The following CCDC171 variants were observed in gnomAD, a reference collection of about 807,000 sequenced individuals.
CCDC171 encodes the protein coiled-coil domain-containing protein 171.
CCDC171 carries 177 observed loss-of-function variants against 168.2 expected under a neutral mutation model. That is an observed-to-expected ratio of 1.05 (90% confidence interval 0.93 to 1.19). The LOEUF is 1.19. Among genes scored for constraint, CCDC171 ranks in the 50% most tolerant of loss-of-function variants. The probability of loss-of-function intolerance (pLI) is 0.00; values close to 1 mark genes in which losing one functional copy is unlikely to be tolerated. For synonymous variants in CCDC171, 687 were observed against 540.8 expected, an observed-to-expected ratio of 1.27 and a Z score of -3.75; for missense variants, 1,991 against 1,539.0, an observed-to-expected ratio of 1.29 and a Z score of -4.91.
chr9:16,097,925 G>T, the CCDC171 span, among the ~76,000 whole-genome samples: 2 of 152,190 alleles, frequency 1.3e-5, no homozygotes, highest in Non-Finnish European at 2.9e-5. Context: ...GCCCTAGGTG[G>T]TGATCAACTT....
At chr9:16,068,235 G>A in the CCDC171 span, among the ~76,000 whole-genome samples, 1 of 150,954 alleles carries the variant, frequency 6.6e-6, no homozygotes, top group Non-Finnish European at 1.5e-5. Context: ...AAATACCTAG[G>A]AATCCAACTT....
chr9:16,008,300 C>T (rs1160320767), intron 3 of CCDC171, among the ~76,000 whole-genome samples: 1 of 152,068 alleles, frequency 6.6e-6, no homozygotes, highest in Non-Finnish European at 1.5e-5. Flanking sequence ...ATGTGGTTAT[C>T]CTGGTATCCC....
intron 25 of CCDC171, among the ~76,000 whole-genome samples, chr9:15,941,078 G>C (rs1827669664): frequency 6.6e-6 from 1 of 151,824 alleles, no homozygotes; most frequent in South Asian, 2.1e-4. Flanking sequence ...CCACTTAAAG[G>C]TGTCCCTCTC....
intron 3 of CCDC171, among the ~76,000 whole-genome samples, chr9:15,981,875 G>A (rs12001038): frequency 0.076 from 11,583 of 152,114 alleles, 1,443 homozygotes; most frequent in African/African-American, 0.26. Context: ...TCTCCTCCCA[G>A]CCAGAAGGAA....
chr9:15,932,469 A>G (rs942653328), intron 25 of CCDC171, among the ~76,000 whole-genome samples: 1 of 151,846 alleles, frequency 6.6e-6, no homozygotes, highest in Non-Finnish European at 1.5e-5. Context: ...ATATCCTGCA[A>G]CTTTACTGAA....
At chr9:15,666,400 A>G (rs550457577) in intron 9 of CCDC171, 77 bp downstream of exon 9, 5 of 1,029,274 alleles carry the variant, frequency 4.9e-6, no homozygotes, top group African/African-American at 1.6e-5. Flanking sequence ...AATGTATACT[A>G]TGTATTTTAG....
intron 3 of CCDC171, among the ~76,000 whole-genome samples, chr9:16,009,268 A>T (rs3008726): frequency 3.3e-5 from 5 of 151,784 alleles, no homozygotes; most frequent in Admixed American, 1.3e-4. Flanking sequence ...CTAGCTAAAA[A>T]GGAAACTTCT....
chr9:15,843,455 A>AT (rs946183187), intron 21 of CCDC171, among the ~76,000 whole-genome samples: 6 of 151,416 alleles, frequency 4.0e-5, no homozygotes, highest in Non-Finnish European at 8.8e-5. Flanking sequence ...CAGGCTTTGA[A>AT]TTTTTTTTTC....
At chr9:15,948,118 T>C (rs1488920378) in intron 25 of CCDC171, among the ~76,000 whole-genome samples, 1 of 151,718 alleles carries the variant, frequency 6.6e-6, no homozygotes, top group Non-Finnish European at 1.5e-5. Flanking sequence ...GAATGATGAT[T>C]TCTAATTTCA....
chr9:15,815,227 G>T (rs1029465192), intron 21 of CCDC171, among the ~76,000 whole-genome samples: 1 of 151,980 alleles, frequency 6.6e-6, no homozygotes, highest in Non-Finnish European at 1.5e-5. Context: ...CTTCCTAGCC[G>T]CCCGTATCAT....
At chr9:15,732,486 G>A (rs775228133) in intron 16 of CCDC171, among the ~76,000 whole-genome samples, 3 of 152,080 alleles carry the variant, frequency 2.0e-5, no homozygotes, top group Non-Finnish European at 4.4e-5. Context: ...AGAAACCACA[G>A]ACTTGTCCAT....
chr9:15,907,504 A>C (rs1386233444), intron 24 of CCDC171, among the ~76,000 whole-genome samples: 1 of 152,226 alleles, frequency 6.6e-6, no homozygotes, highest in African/African-American at 2.4e-5. Context: ...TACAAAAATT[A>C]ATTCAAGATG....
At chr9:15,968,330 G>A (rs1353382076) in intron 25 of CCDC171, among the ~76,000 whole-genome samples, 1 of 152,128 alleles carries the variant, frequency 6.6e-6, no homozygotes, top group Non-Finnish European at 1.5e-5. Flanking sequence ...TAAAATATAA[G>A]ATTGGGTGGT....
intron 23 of CCDC171, among the ~76,000 whole-genome samples, chr9:15,869,273 A>G (rs554192592): frequency 3.9e-5 from 6 of 152,090 alleles, no homozygotes; most frequent in African/African-American, 1.4e-4. Flanking sequence ...TAGATAGTTA[A>G]AGAAAAGGTT....
intron 7 of CCDC171, among the ~76,000 whole-genome samples, chr9:15,654,146 G>C (rs139213085): frequency 1.6e-3 from 240 of 151,538 alleles, no homozygotes; most frequent in Non-Finnish European, 2.8e-3. Context: ...TTTATCCTTT[G>C]GATTTAAATT....
the CCDC171 span, among the ~76,000 whole-genome samples, chr9:16,072,691 C>T: frequency 4.6e-5 from 7 of 152,068 alleles, no homozygotes; most frequent in South Asian, 2.1e-4. Flanking sequence ...ACTGGAGCGC[C>T]GCCAAAGCAC....
intron 3 of CCDC171, among the ~76,000 whole-genome samples, chr9:15,993,864 A>G (rs1202506908): frequency 6.6e-6 from 1 of 152,230 alleles, no homozygotes; most frequent in Non-Finnish European, 1.5e-5. Flanking sequence ...CATCAGAGAA[A>G]TGCAAATCGA....
intron 11 of CCDC171, among the ~76,000 whole-genome samples, chr9:15,703,373 C>T (rs1453241598): frequency 2.6e-5 from 4 of 152,310 alleles, no homozygotes; most frequent in South Asian, 2.1e-4. Flanking sequence ...TCTAGAAAGG[C>T]GAATCCTTGT....
intron 23 of CCDC171, among the ~76,000 whole-genome samples, chr9:15,869,672 G>T (rs1486222839): frequency 6.6e-6 from 1 of 151,762 alleles, no homozygotes; most frequent in African/African-American, 2.4e-5. Context: ...ACTAGAATAA[G>T]TGGTCAGTAG....
Sources: gnomAD v4.1 joint callset for allele counts (sites outside exome capture counted in the v4.1 genomes callset) on GRCh38, gnomAD v4.1.1 for gene constraint, MANE v1.5 for transcripts, NCBI Gene and HGNC (gene_info 2026-07-23, HGNC 2026-07-21) for gene names.